PEBP4: variants seen among roughly 807,000 people sequenced by gnomAD.
PEBP4 encodes the protein phosphatidylethanolamine-binding protein 4.
A neutral mutation model predicts 23.9 loss-of-function variants in PEBP4; 22 were observed. The observed-to-expected ratio is 0.92, with a 90% CI of 0.66 to 1.31. PEBP4 has a LOEUF of 1.31. Ranked by LOEUF, PEBP4 falls within the 40% of genes most tolerant of loss-of-function variation. The probability of loss-of-function intolerance (pLI) is 0.00; values close to 1 mark genes in which losing one functional copy is unlikely to be tolerated. For missense variants in PEBP4, 324 were observed against 281.7 expected (o/e 1.15, Z -1.07); for synonymous variants, 112 against 99.3 (o/e 1.13, Z -0.76).
At chr8:22,776,360 C>T (rs1439409675) in intron 4 of PEBP4, among the ~76,000 whole-genome samples, 3 of 152,174 alleles carry the variant, frequency 2.0e-5, no homozygotes, top group East Asian at 3.9e-4. Flanking sequence ...TGTATGTTGA[C>T]GCTGATAAAT....
intron 3 of PEBP4, among the ~76,000 whole-genome samples, chr8:22,914,745 G>A (rs183775440): frequency 8.5e-5 from 13 of 152,288 alleles, no homozygotes; most frequent in South Asian, 2.1e-4. Flanking sequence ...CCTGCCTCTC[G>A]GGCAGCTACC....
chr8:22,717,631 G>A (rs963695371), intron 6 of PEBP4, among the ~76,000 whole-genome samples: 7 of 152,218 alleles, frequency 4.6e-5, no homozygotes, highest in Non-Finnish European at 8.8e-5. Flanking sequence ...TCTTGTCCCA[G>A]GGCGGTCTCT....
intron 4 of PEBP4, among the ~76,000 whole-genome samples, chr8:22,808,045 A>G (rs558079149): frequency 6.6e-6 from 1 of 151,546 alleles, no homozygotes; most frequent in African/African-American, 2.4e-5. Flanking sequence ...CCATCCATCC[A>G]TCCATTCATC....
At chr8:22,800,147 C>A (rs558411881) in intron 4 of PEBP4, among the ~76,000 whole-genome samples, 2 of 152,166 alleles carry the variant, frequency 1.3e-5, no homozygotes, top group South Asian at 4.1e-4. Context: ...CTGAGCAGCC[C>A]AGGGTAAACT....
intron 4 of PEBP4, among the ~76,000 whole-genome samples, chr8:22,772,189 C>T (rs1805729355): frequency 6.6e-6 from 1 of 152,326 alleles, no homozygotes; most frequent in Non-Finnish European, 1.5e-5. Flanking sequence ...GTTGTTACCC[C>T]TATTACATAG....
At chr8:22,741,687 C>G (rs943031430) in intron 4 of PEBP4, among the ~76,000 whole-genome samples, 2 of 152,176 alleles carry the variant, frequency 1.3e-5, no homozygotes, top group Non-Finnish European at 2.9e-5. Context: ...CTGAGCCCCA[C>G]AGGTGGTGGG....
chr8:22,925,557 C>T (rs1454515200), intron 2 of PEBP4, among the ~76,000 whole-genome samples: 2 of 152,194 alleles, frequency 1.3e-5, no homozygotes, highest in Non-Finnish European at 2.9e-5. Context: ...ACCGGCAGAG[C>T]ACCTGGCACA....
At chr8:22,790,064 T>G (rs991819263) in intron 4 of PEBP4, among the ~76,000 whole-genome samples, 2 of 152,230 alleles carry the variant, frequency 1.3e-5, no homozygotes, top group Non-Finnish European at 2.9e-5. Flanking sequence ...CTGAATAGCC[T>G]GCTAGCAGAT....
rs183801171 is a variant in PEBP4, at chr8:22,901,440, G to A, written c.258+18744C>T. Among the ~76,000 whole-genome samples the A allele has an allele frequency of 5.9e-5, 9 of 152,236 alleles. No homozygotes were observed. The East Asian group carries it at 9.6e-4, about 16-fold the overall frequency. ...TGCCCTCTTGGAACTACCTAGGATC[G>A]GTCCTGCAGGGAGTGTGTTGTGTTG... On this transcript the variant is annotated intron_variant, in intron 3 of 6. Transcript: ENST00000256404.
chr8:22,887,089 A>AGTGTGTGTGTGT, intron 3 of PEBP4: 1 of 147,454 alleles, frequency 6.8e-6, no homozygotes, highest in South Asian at 2.2e-4. Context: ...GGACACTCCT[A>AGTGTGTGTGTGT]GTGTGTGTGT....
chr8:22,864,591 C>T (rs552861103), intron 3 of PEBP4, among the ~76,000 whole-genome samples: 2 of 152,098 alleles, frequency 1.3e-5, no homozygotes, highest in African/African-American at 4.8e-5. Context: ...TGAGGAGAAG[C>T]AGTAGGAATC....
chr8:22,864,777 TG>T (rs942935533), intron 3 of PEBP4, among the ~76,000 whole-genome samples: 8 of 151,856 alleles, frequency 5.3e-5, no homozygotes, highest in African/African-American at 1.9e-4. Context: ...TAGCCAGAGG[TG>T]GAAGTAGCTG....
chr8:22,766,191 A>G (rs1342262272), intron 4 of PEBP4, among the ~76,000 whole-genome samples: 1 of 152,102 alleles, frequency 6.6e-6, no homozygotes, highest in Admixed American at 6.5e-5. Context: ...ATCAGGTGAG[A>G]GGATGTGGTG....
At chr8:22,792,261 G>A (rs1201298348) in intron 4 of PEBP4, among the ~76,000 whole-genome samples, 1 of 152,118 alleles carries the variant, frequency 6.6e-6, no homozygotes, top group Non-Finnish European at 1.5e-5. Context: ...CTTAATCCAG[G>A]AGAGACAGCC....
chr8:22,825,424 T>G (rs1806948614), intron 3 of PEBP4, among the ~76,000 whole-genome samples: 1 of 152,218 alleles, frequency 6.6e-6, no homozygotes, highest in Non-Finnish European at 1.5e-5. Flanking sequence ...GAAGTGAATC[T>G]AGGGAATTTT....
At chr8:22,908,233 A>C (rs965741286) in intron 3 of PEBP4, among the ~76,000 whole-genome samples, 3 of 152,100 alleles carry the variant, frequency 2.0e-5, no homozygotes, top group Non-Finnish European at 4.4e-5. Flanking sequence ...GATGAAATTT[A>C]AAGTCATGGC....
intron 4 of PEBP4, among the ~76,000 whole-genome samples, chr8:22,758,591 C>T (rs1805439191): frequency 2.0e-5 from 3 of 152,290 alleles, no homozygotes; most frequent in Non-Finnish European, 1.5e-5. Context: ...ACTTGCCTGG[C>T]TGTATGCTGT....
At chr8:22,803,952 G>A (rs757634617) in intron 4 of PEBP4, among the ~76,000 whole-genome samples, 3 of 152,200 alleles carry the variant, frequency 2.0e-5, no homozygotes, top group African/African-American at 4.8e-5. Context: ...GTAAGTCACC[G>A]TCATTCCTCT....
At chr8:22,895,157 C>CAATA (rs1015009856) in intron 3 of PEBP4, among the ~76,000 whole-genome samples, 11 of 152,132 alleles carry the variant, frequency 7.2e-5, no homozygotes, top group Admixed American at 1.3e-4. Flanking sequence ...CCATATTGAT[C>CAATA]AATATGGATT....
Sources: allele counts gnomAD v4.1 joint callset (sites outside exome capture counted in the v4.1 genomes callset), GRCh38; gene constraint gnomAD v4.1.1; transcripts MANE v1.5; gene names NCBI Gene and HGNC (gene_info 2026-07-23, HGNC 2026-07-21).